Variants in ARHGAP23 observed in about 807,000 individuals in gnomAD.
ARHGAP23 encodes the protein Rho GTPase activating protein 23.
In ARHGAP23, 34 loss-of-function variants were observed where a neutral mutation model predicts 136.3. The ratio of observed to expected loss-of-function variants is 0.25; its 90% CI spans 0.19 to 0.33. The LOEUF (loss-of-function observed/expected upper bound fraction) is 0.33, where lower values mean the gene tolerates loss of function less well. ARHGAP23 is among the 10% of genes least tolerant of loss of function. ARHGAP23 has a pLI of 1.00. For synonymous variants in ARHGAP23, 832 were observed against 920.5 expected, an observed-to-expected ratio of 0.90 and a Z score of 1.74; for missense variants, 1,808 against 2,139.0, an observed-to-expected ratio of 0.85 and a Z score of 3.05.
chr17:38,445,440 G>T (rs1161830420), intron 1 of ARHGAP23, among the ~76,000 whole-genome samples: 1 of 151,650 alleles, frequency 6.6e-6, no homozygotes, highest in Non-Finnish European at 1.5e-5. Context: ...GCACGCCATT[G>T]CACTCCACAC....
rs879442596 is a variant in ARHGAP23, at chr17:38,428,686, C to T, written c.63+138C>T. The stretch of plus-strand genomic sequence containing the variant: ...GGCGCGGGCACCGCGGGCACCGCTG[C>T]GGGGAGATTCAGCTGGTGGCAGGCC... On this transcript the variant is annotated intron_variant, in intron 1 of 23. Transcript: ENST00000622683. 7.9e-6 allele frequency: 4 copies of T among 504,476 alleles called. No homozygotes were observed. In the South Asian group the frequency reaches 1.8e-4, roughly 22 times the overall value. 31.2% of individuals were successfully genotyped at this position (504,476 alleles called of 1,614,324 possible). A position where few individuals can be genotyped will look rare whatever the true frequency, so the allele number is the denominator to read the frequency against.
chr17:38,483,120 G>A (rs1308317352), intron 16 of ARHGAP23, among the ~76,000 whole-genome samples: 1 of 152,192 alleles, frequency 6.6e-6, no homozygotes, highest in African/African-American at 2.4e-5. Context: ...TTGCTCTGTT[G>A]CGTTCCCCCC....
intron 20 of ARHGAP23, among the ~76,000 whole-genome samples, chr17:38,492,140 G>C (rs889947423): frequency 6.6e-6 from 1 of 152,192 alleles, no homozygotes; most frequent in Non-Finnish European, 1.5e-5. Flanking sequence ...GGTCCTGTAG[G>C]TTCTTGTTAC....
chr17:38,441,257 G>A (rs1263763293), intron 1 of ARHGAP23, among the ~76,000 whole-genome samples: 1 of 152,208 alleles, frequency 6.6e-6, no homozygotes, highest in Non-Finnish European at 1.5e-5. Context: ...CCTGTGCAGA[G>A]CTCCCGTGGG....
intron 1 of ARHGAP23, among the ~76,000 whole-genome samples, chr17:38,455,279 G>A (rs935113567): frequency 6.6e-6 from 1 of 152,204 alleles, no homozygotes; most frequent in Non-Finnish European, 1.5e-5. Flanking sequence ...GTGTCCTGGT[G>A]TCTCCTCTTC....
At chr17:38,455,875 C>G (rs1452041480) in intron 1 of ARHGAP23, among the ~76,000 whole-genome samples, 1 of 152,200 alleles carries the variant, frequency 6.6e-6, no homozygotes, top group Non-Finnish European at 1.5e-5. Flanking sequence ...TCCCCAGGCC[C>G]CCATGGGGGT....
rs549192002 is a variant in ARHGAP23 at position 38,477,584 on chromosome 17, G to A, written c.2124G>A (p.Ala708=). ...KQILTKKGKK[A]GSGLRQWKRV... is the part of the protein sequence containing the mutation. ...AACCCCGTGTCTCCCTGCAGAAAGC[G>A]GGCAGCGGCCTGCGCCAGTGGAAGC... The change falls in exon 12 of 24, where the codon GCG becomes GCA. Residue 708 remains alanine (A), a synonymous_variant. Transcript: ENST00000622683. The surrounding 1 kb of genome is among the most constrained non-coding windows in gnomAD (Gnocchi z 6.6). 73 of 1,271,816 alleles carry A rather than the reference G, an allele frequency of 5.7e-5. No individual in the cohort carries two copies. The highest frequency in any genetic ancestry group is 6.9e-5 in the Non-Finnish European group (69 of 1,006,468). 78.8% of individuals were successfully genotyped at this position (1,271,816 alleles called of 1,614,324 possible).
At chr17:38,428,448 C>A (rs1242266882), upstream of ARHGAP23, 11 of 1,364,188 alleles carry the variant, frequency 8.1e-6, no homozygotes, top group Non-Finnish European at 9.5e-6. Flanking sequence ...CCGGCGCCCC[C>A]AGCCGTGCCC....
chr17:38,443,904 G>C (rs927368626), intron 1 of ARHGAP23, among the ~76,000 whole-genome samples: 1 of 152,154 alleles, frequency 6.6e-6, no homozygotes, highest in Non-Finnish European at 1.5e-5. Context: ...CTCCTGGGGG[G>C]CGGGGGGCAG....
chr17:38,463,836 A>G, intron 6 of ARHGAP23, among the ~76,000 whole-genome samples: 1 of 152,158 alleles, frequency 6.6e-6, no homozygotes, highest in South Asian at 2.1e-4. Context: ...ACAGCCACAC[A>G]GCACAGCCCC....
intron 1 of ARHGAP23, among the ~76,000 whole-genome samples, chr17:38,441,785 A>G: frequency 6.6e-6 from 1 of 152,294 alleles, no homozygotes; most frequent in Non-Finnish European, 1.5e-5. Flanking sequence ...ATTATAGTCC[A>G]GGGAGAGGGG....
intron 2 of ARHGAP23, among the ~76,000 whole-genome samples, chr17:38,460,535 G>C (rs1340844514): frequency 6.6e-6 from 1 of 152,148 alleles, no homozygotes; most frequent in African/African-American, 2.4e-5. Context: ...ATTCCCTGGA[G>C]CTGATAGCTG....
Position 38,428,883 on chromosome 17 carries a change from G to C in ARHGAP23, c.63+335G>C, listed in dbSNP as rs369551492. On this transcript the variant is annotated intron_variant, in intron 1 of 23. Coordinates refer to ENST00000622683, the MANE Select transcript of ARHGAP23 (RefSeq NM_001199417.2). ...GGCGGGAGGCCCGCGGCTTTTGTTCGGGTTTTTCAGGCGGGGCGCCTGCCG... is the reference window on the plus strand; with the variant it reads ...GGCGGGAGGCCCGCGGCTTTTGTTCCGGTTTTTCAGGCGGGGCGCCTGCCG... 1.2e-4 allele frequency among the ~76,000 whole-genome samples: 19 copies of C among 152,274 alleles called. No individual in the cohort carries two copies. In the East Asian group the frequency reaches 2.9e-3, roughly 23 times the overall value.
chr17:38,432,694 T>A (rs2144493217), intron 1 of ARHGAP23, among the ~76,000 whole-genome samples: 1 of 150,782 alleles, frequency 6.6e-6, no homozygotes, highest in South Asian at 2.1e-4. Flanking sequence ...AAAAAAAAAA[T>A]TAGCTGGGCA....
chr17:38,476,085 G>T (rs1405100992), intron 11 of ARHGAP23, among the ~76,000 whole-genome samples: 1 of 152,206 alleles, frequency 6.6e-6, no homozygotes, highest in Admixed American at 6.5e-5. Flanking sequence ...TTGGAGAAAG[G>T]CAGGGACAGA....
At chr17:38,434,266 G>T (rs1302917638) in intron 1 of ARHGAP23, among the ~76,000 whole-genome samples, 2 of 152,224 alleles carry the variant, frequency 1.3e-5, no homozygotes, top group African/African-American at 4.8e-5. Flanking sequence ...AAGGAGCCCG[G>T]GCCCGTAAGG....
rs2040451518 is a variant in ARHGAP23 at position 38,498,800 on chromosome 17, G to T, written c.3415+290G>T. 7.5e-6 allele frequency: 5 copies of T among 665,334 alleles called. No individual in the cohort carries two copies. The East Asian group carries it at 8.1e-5, about 11-fold the overall frequency. 41.2% of individuals were successfully genotyped at this position (665,334 alleles called of 1,614,324 possible). Reference sequence around the variant, plus strand: ...TCAGCCTTTAATTTCTCATGGGCTGGCTGTGTCCTTCTGGGCATGTTCCTC... The same window carrying T: ...TCAGCCTTTAATTTCTCATGGGCTGTCTGTGTCCTTCTGGGCATGTTCCTC... On this transcript the variant is annotated intron_variant, in intron 22 of 23. Transcript: ENST00000622683.
chr17:38,482,859 G>A lies in ARHGAP23; in HGVS notation c.2907+181G>A, dbSNP rs1286355944. On this transcript the variant is annotated intron_variant, in intron 16 of 23. Transcript: ENST00000622683. ...GCCCCCGCTGGCCAGCCCGGGGATG[G>A]GCATCACCCCAGGCTGAAGCTGACC... 7.9e-5 allele frequency among the ~76,000 whole-genome samples: 12 copies of A among 152,200 alleles called. No individual in the cohort carries two copies. In the South Asian group the frequency reaches 1.2e-3, roughly 16 times the overall value.
At position 38,469,541 on chromosome 17, in the gene ARHGAP23, C is replaced by T. The variant is rs1299583498; in HGVS notation, c.1822C>T (p.Arg608Cys). ...SQDCSSIKAG[R>C]RSSYLLAITT... ...CTTTGCAGGCAGCATCAAGGCTGGC[C>T]GCCGCTCCTCCTACCTGCTGGCCAT... is the stretch of plus-strand genomic sequence containing the variant. Residue 608 changes from arginine to cysteine, a missense_variant, in exon 9 of 24, where the codon CGC (arginine) becomes TGC (cysteine). By Grantham distance (180) the Arg-to-Cys change is radical. Around this residue, in one of 7 missense-constraint regions of ARHGAP23, gnomAD observed 859 missense variants for 936.4 expected, o/e 0.92. Transcript: ENST00000622683. The T allele has an allele frequency of 1.7e-5, 27 of 1,548,226 alleles. No homozygotes were observed. The highest frequency in any genetic ancestry group is 8.2e-5 in the African/African-American group (6 of 72,962).
Sources: allele counts gnomAD v4.1 joint callset (sites outside exome capture counted in the v4.1 genomes callset), GRCh38; gene constraint gnomAD v4.1.1; regional missense constraint gnomAD v4.1.1; non-coding constraint Gnocchi (gnomAD v3.1); transcripts MANE v1.5; gene names NCBI Gene and HGNC (gene_info 2026-07-23, HGNC 2026-07-21).